The following GABRB1 variants were observed in gnomAD, a reference collection of about 807,000 sequenced individuals.
GABRB1 encodes gamma-aminobutyric acid type A receptor subunit beta1, also known as gamma-aminobutyric acid receptor subunit beta-1.
Under a neutral mutation model 51.6 loss-of-function variants are expected in GABRB1, and 17 were observed. The observed-to-expected ratio is 0.33, with a 90% CI of 0.23 to 0.49. The LOEUF (loss-of-function observed/expected upper bound fraction) is 0.49. GABRB1 is among the 20% of genes least tolerant of loss of function. The probability of loss-of-function intolerance (pLI) is 0.99; values close to 1 mark genes in which losing one functional copy is unlikely to be tolerated. For synonymous variants in GABRB1, 247 were observed against 218.9 expected (o/e 1.13, Z -1.14); for missense variants, 410 against 600.6 (o/e 0.68, Z 3.32).
intron 3 of GABRB1, among the ~76,000 whole-genome samples, chr4:47,068,119 C>T (rs561951242): frequency 1.3e-5 from 2 of 152,138 alleles, no homozygotes; most frequent in Admixed American, 1.3e-4. Flanking sequence ...ATGAACCAAC[C>T]TTTGCTAGCT....
intron 3 of GABRB1, among the ~76,000 whole-genome samples, chr4:47,140,476 C>T (rs554279548): frequency 1.3e-5 from 2 of 151,962 alleles, no homozygotes; most frequent in South Asian, 4.2e-4. Flanking sequence ...AAAAGAGCTC[C>T]TAAACACTTT....
At chr4:47,398,258 G>A (rs1278445710) in intron 5 of GABRB1, among the ~76,000 whole-genome samples, 1 of 151,972 alleles carries the variant, frequency 6.6e-6, no homozygotes, top group Non-Finnish European at 1.5e-5. Context: ...AATTCTTATT[G>A]TTTGTAATAG....
chr4:47,255,788 A>G (rs185621627), intron 4 of GABRB1, among the ~76,000 whole-genome samples: 12 of 152,206 alleles, frequency 7.9e-5, no homozygotes, highest in South Asian at 4.1e-4. Flanking sequence ...CAAACATTTC[A>G]TAGTTGATTT....
intron 3 of GABRB1, among the ~76,000 whole-genome samples, chr4:47,152,890 C>T (rs866807450): frequency 9.2e-5 from 14 of 151,984 alleles, no homozygotes; most frequent in Admixed American, 2.6e-4. Flanking sequence ...AGTATTAAGT[C>T]AACTCTGATT....
At chr4:46,999,912 G>A (rs1273849541) in intron 1 of GABRB1, among the ~76,000 whole-genome samples, 1 of 152,146 alleles carries the variant, frequency 6.6e-6, no homozygotes, top group East Asian at 1.9e-4. Flanking sequence ...GCATGCCCAA[G>A]GACTTTCCAG....
Position 47,250,629 on chromosome 4 carries a change from T to C in GABRB1, c.462-69498T>C, listed in dbSNP as rs557782510. On this transcript the variant is annotated intron_variant, in intron 4 of 8. Coordinates refer to ENST00000295454, the MANE Select transcript of GABRB1 (RefSeq NM_000812.4). Reference sequence around the variant, plus strand: ...TCATTTAACATAATCCCAGACTTCTTGGAGGCTTTGTTCATATTTTCTTAT... The same window carrying C: ...TCATTTAACATAATCCCAGACTTCTCGGAGGCTTTGTTCATATTTTCTTAT... 2.0e-5 allele frequency among the ~76,000 whole-genome samples: 3 copies of C among 152,272 alleles called. No homozygotes were observed. In the East Asian group the frequency reaches 5.8e-4, roughly 29 times the overall value.
intron 1 of GABRB1, among the ~76,000 whole-genome samples, chr4:47,025,572 C>T (rs1412667638): frequency 6.6e-6 from 1 of 151,656 alleles, no homozygotes; most frequent in Non-Finnish European, 1.5e-5. Context: ...ATTCTCAGTC[C>T]AGGTTTTTCT....
chr4:47,290,315 C>T (rs1723675879), intron 4 of GABRB1, among the ~76,000 whole-genome samples: 1 of 152,212 alleles, frequency 6.6e-6, no homozygotes, highest in African/African-American at 2.4e-5. Context: ...AAGCTCTCTT[C>T]TCTTGTGTGC....
intron 3 of GABRB1, among the ~76,000 whole-genome samples, chr4:47,074,877 G>C (rs1727483797): frequency 6.6e-6 from 1 of 152,164 alleles, no homozygotes; most frequent in Non-Finnish European, 1.5e-5. Context: ...GTGGCAGATG[G>C]GGTACTAGGC....
At chr4:47,390,734 T>A (rs184455077) in intron 5 of GABRB1, among the ~76,000 whole-genome samples, 13 of 152,336 alleles carry the variant, frequency 8.5e-5, no homozygotes, top group Non-Finnish European at 1.8e-4. Context: ...TAAAATAGGT[T>A]GTTTAGGTGT....
intron 4 of GABRB1, among the ~76,000 whole-genome samples, chr4:47,237,420 A>G (rs892099089): frequency 1.3e-5 from 2 of 152,034 alleles, no homozygotes; most frequent in African/African-American, 2.4e-5. Context: ...AGTATTGACT[A>G]CCACAATGAA....
chr4:47,107,487 T>C (rs905924793), intron 3 of GABRB1, among the ~76,000 whole-genome samples: 6 of 152,100 alleles, frequency 3.9e-5, no homozygotes, highest in African/African-American at 1.4e-4. Context: ...ATATTTGCAT[T>C]GGGTATCATT....
intron 1 of GABRB1, among the ~76,000 whole-genome samples, chr4:47,000,206 A>ATGT (rs1307634471): frequency 2.6e-5 from 4 of 152,214 alleles, no homozygotes; most frequent in Non-Finnish European, 4.4e-5. Context: ...ACCATTATGC[A>ATGT]TGTTGTAGGT....
At chr4:47,047,274 T>C (rs113105375) in intron 3 of GABRB1, among the ~76,000 whole-genome samples, 19 of 152,282 alleles carry the variant, frequency 1.2e-4, no homozygotes, top group Non-Finnish European at 2.6e-4. Flanking sequence ...AGGCTGGAAA[T>C]ATAATCCTGG....
intron 3 of GABRB1, among the ~76,000 whole-genome samples, chr4:47,109,241 T>C (rs1370947478): frequency 6.6e-6 from 1 of 152,010 alleles, no homozygotes; most frequent in African/African-American, 2.4e-5. Context: ...ATAGACATCA[T>C]TGGTGGCTTA....
chr4:47,256,609 G>A (rs1011615361), intron 4 of GABRB1, among the ~76,000 whole-genome samples: 2 of 152,144 alleles, frequency 1.3e-5, no homozygotes, highest in African/African-American at 4.8e-5. Context: ...AGCATGGCTA[G>A]GGAGGCCTCA....
intron 4 of GABRB1, among the ~76,000 whole-genome samples, chr4:47,278,489 C>T (rs986696617): frequency 3.3e-5 from 5 of 152,110 alleles, no homozygotes; most frequent in Non-Finnish European, 7.4e-5. Context: ...TTCAGAACTC[C>T]ACTTGTTCCT....
intron 4 of GABRB1, among the ~76,000 whole-genome samples, chr4:47,246,382 A>ATATATATATATATATATATG (rs1721760168): frequency 1.9e-5 from 1 of 51,836 alleles, no homozygotes; most frequent in African/African-American, 9.8e-5. Flanking sequence ...ATATATATAT[A>ATATATATATATATATATATG]TATATATATA....
intron 3 of GABRB1, among the ~76,000 whole-genome samples, chr4:47,131,818 G>T (rs1716430074): frequency 6.6e-6 from 1 of 152,048 alleles, no homozygotes; most frequent in African/African-American, 2.4e-5. Flanking sequence ...AATGATTTAA[G>T]AACTTTGTTT....
Sources: gnomAD v4.1 joint callset for allele counts (sites outside exome capture counted in the v4.1 genomes callset) on GRCh38, gnomAD v4.1.1 for gene constraint, MANE v1.5 for transcripts, NCBI Gene and HGNC (gene_info 2026-07-23, HGNC 2026-07-21) for gene names.